AUTS2: variants seen among roughly 807,000 people sequenced by gnomAD.
The protein encoded by AUTS2 is activator of transcription and developmental regulator AUTS2.
In AUTS2, 17 loss-of-function variants were observed where a neutral mutation model predicts 112.4. The ratio of observed to expected loss-of-function variants is 0.15; its 90% CI spans 0.10 to 0.23. The LOEUF is 0.23. Among genes scored for constraint, AUTS2 ranks in the 10% least tolerant of loss-of-function variants. AUTS2 has a pLI of 1.00. For synonymous variants in AUTS2, 751 were observed against 702.7 expected (o/e 1.07, Z -1.09); for missense variants, 1,510 against 1,701.6 (o/e 0.89, Z 1.98).
chr7:69,882,498 A>G (rs1411530516), intron 1 of AUTS2, among the ~76,000 whole-genome samples: 4 of 152,196 alleles, frequency 2.6e-5, no homozygotes, highest in Admixed American at 6.5e-5. Flanking sequence ...TTCTGTTCAC[A>G]TGAATGAGAA....
intron 5 of AUTS2, among the ~76,000 whole-genome samples, chr7:70,675,788 G>C (rs1414001721): frequency 6.6e-6 from 1 of 152,180 alleles, no homozygotes; most frequent in Admixed American, 6.5e-5. Context: ...CTGGGTTGTG[G>C]GAGGAGTTGC....
intron 5 of AUTS2, among the ~76,000 whole-genome samples, chr7:70,537,486 C>T (rs539457740): frequency 6.6e-6 from 1 of 152,312 alleles, no homozygotes; most frequent in South Asian, 2.1e-4. Context: ...TATATGCAAA[C>T]TCTATTAATG....
chr7:70,781,364 CAAAAAAAAA>C, intron 14 of AUTS2: 1 of 118,900 alleles, frequency 8.4e-6, no homozygotes, highest in South Asian at 1.5e-4. Context: ...GACTCCGTCA[CAAAAAAAAA>C]AAAAAAAAAA....
intron 4 of AUTS2, among the ~76,000 whole-genome samples, chr7:70,394,221 TAGTC>T (rs756376415): frequency 3.9e-5 from 6 of 152,160 alleles, no homozygotes; most frequent in Non-Finnish European, 8.8e-5. Context: ...TACAGATGAG[TAGTC>T]AGTGTTCATA....
chr7:70,010,928 C>G (rs1390489182), intron 2 of AUTS2, among the ~76,000 whole-genome samples: 1 of 152,146 alleles, frequency 6.6e-6, no homozygotes, highest in East Asian at 1.9e-4. Context: ...AGGGTCAAAG[C>G]TTCATTGTTG....
At chr7:69,817,327 C>G (rs1334431944) in intron 1 of AUTS2, among the ~76,000 whole-genome samples, 1 of 152,182 alleles carries the variant, frequency 6.6e-6, no homozygotes, top group Non-Finnish European at 1.5e-5. Flanking sequence ...TGCCTCTACC[C>G]CTATTTGGTC....
intron 5 of AUTS2, among the ~76,000 whole-genome samples, chr7:70,620,317 G>A (rs539862023): frequency 2.0e-4 from 30 of 152,282 alleles, no homozygotes; most frequent in East Asian, 5.8e-4. Context: ...GTACTTACTG[G>A]TGTAGGAACC....
intron 2 of AUTS2, among the ~76,000 whole-genome samples, chr7:70,106,557 A>T (rs1398110433): frequency 6.6e-6 from 1 of 152,256 alleles, no homozygotes; most frequent in Non-Finnish European, 1.5e-5. Context: ...TTGTCTCTCA[A>T]AAAAATGTAG....
intron 4 of AUTS2, among the ~76,000 whole-genome samples, chr7:70,214,088 G>T (rs566960525): frequency 6.6e-6 from 1 of 152,116 alleles, no homozygotes; most frequent in African/African-American, 2.4e-5. Context: ...TAGAAATGGG[G>T]AGCTAGGTTT....
chr7:70,341,270 A>G (rs567969731), intron 4 of AUTS2, among the ~76,000 whole-genome samples: 1 of 152,336 alleles, frequency 6.6e-6, no homozygotes, highest in Non-Finnish European at 1.5e-5. Flanking sequence ...CTTATCCTGC[A>G]TTATTAACGG....
At chr7:69,829,758 C>T (rs573794283) in intron 1 of AUTS2, among the ~76,000 whole-genome samples, 147 of 152,068 alleles carry the variant, frequency 9.7e-4, no homozygotes, top group African/African-American at 2.7e-3. Context: ...GAGGCTGTGG[C>T]GAAATAGGAA....
At chr7:70,519,692 G>A (rs193273958) in intron 5 of AUTS2, among the ~76,000 whole-genome samples, 1 of 152,252 alleles carries the variant, frequency 6.6e-6, no homozygotes, top group East Asian at 1.9e-4. Flanking sequence ...ATTCTGCATT[G>A]GATCTGTATT....
intron 4 of AUTS2, among the ~76,000 whole-genome samples, chr7:70,301,450 GT>G (rs944388161): frequency 1.3e-5 from 2 of 151,966 alleles, no homozygotes; most frequent in African/African-American, 2.4e-5. Flanking sequence ...TAGTTTAGGA[GT>G]TTTTTGGCTT....
chr7:70,159,634 T>A (rs1199627775), intron 4 of AUTS2, among the ~76,000 whole-genome samples: 1 of 152,196 alleles, frequency 6.6e-6, no homozygotes, highest in Admixed American at 6.5e-5. Flanking sequence ...TGCCATGCAA[T>A]GCTGGGGGTG....
At chr7:70,116,818 A>G (rs866749744) in intron 2 of AUTS2, among the ~76,000 whole-genome samples, 1 of 152,130 alleles carries the variant, frequency 6.6e-6, no homozygotes, top group African/African-American at 2.4e-5. Flanking sequence ...TTCATTGAAC[A>G]TGTATTTCCT....
intron 6 of AUTS2, among the ~76,000 whole-genome samples, chr7:70,732,843 A>G (rs1240429269): frequency 6.6e-6 from 1 of 152,246 alleles, no homozygotes; most frequent in East Asian, 1.9e-4. Context: ...AGTTTTTTAA[A>G]GCATTTTCTT....
rs142056442 is a variant in AUTS2 at position 70,485,297 on chromosome 7, G to A, written c.690+49516G>A. Among the ~76,000 whole-genome samples the A allele has an allele frequency of 5.5e-3, 845 of 152,258 alleles. 7 individuals are homozygous for A. The highest frequency in any genetic ancestry group is 0.012 in the Admixed American group (191 of 15,298). On this transcript the variant is annotated intron_variant, in intron 5 of 18. Coordinates refer to ENST00000342771, the MANE Select transcript of AUTS2 (RefSeq NM_015570.4). ...TATATACACCATGGAATACTACTCAGCCATGAAACAATGGCCTTTGCAGCA... is the reference window on the plus strand; with the variant it reads ...TATATACACCATGGAATACTACTCAACCATGAAACAATGGCCTTTGCAGCA...
chr7:69,923,805 A>G (rs567352433), intron 2 of AUTS2, among the ~76,000 whole-genome samples: 1 of 152,288 alleles, frequency 6.6e-6, no homozygotes, highest in East Asian at 1.9e-4. Context: ...GCATTCTGCA[A>G]CCTTGCTAAA....
intron 4 of AUTS2, among the ~76,000 whole-genome samples, chr7:70,390,798 T>G (rs1490051559): frequency 6.6e-6 from 1 of 152,124 alleles, no homozygotes; most frequent in African/African-American, 2.4e-5. Flanking sequence ...ATGTTCTATA[T>G]GATATAGCCA....
Sources: gnomAD v4.1 joint callset for allele counts (sites outside exome capture counted in the v4.1 genomes callset) on GRCh38, gnomAD v4.1.1 for gene constraint, MANE v1.5 for transcripts, NCBI Gene and HGNC (gene_info 2026-07-23, HGNC 2026-07-21) for gene names.